Variants in KCNH7 observed in about 807,000 individuals in gnomAD.
The protein encoded by KCNH7 is voltage-gated inwardly rectifying potassium channel KCNH7.
Under a neutral mutation model 120.8 loss-of-function variants are expected in KCNH7, and 49 were observed. The ratio of observed to expected loss-of-function variants is 0.41; its 90% confidence interval spans 0.32 to 0.51. The LOEUF is 0.51. KCNH7 is among the 20% of genes least tolerant of loss of function. The pLI, the probability that KCNH7 is intolerant of heterozygous loss-of-function variation, is 0.38. For synonymous variants in KCNH7, 547 were observed against 516.1 expected (o/e 1.06, Z -0.81); for missense variants, 1,097 against 1,446.6 (o/e 0.76, Z 3.92).
intron 2 of KCNH7, among the ~76,000 whole-genome samples, chr2:162,717,828 A>G (rs1687180223): frequency 6.6e-6 from 1 of 152,128 alleles, no homozygotes; most frequent in Non-Finnish European, 1.5e-5. Context: ...ATTCAGTATT[A>G]CTTGAAAAGT....
chr2:162,430,983 T>C (rs1688046156), intron 8 of KCNH7, among the ~76,000 whole-genome samples: 1 of 152,034 alleles, frequency 6.6e-6, no homozygotes, highest in Non-Finnish European at 1.5e-5. Flanking sequence ...ACAGTCTTCC[T>C]TTTTTATTTT....
chr2:162,572,982 G>A (rs1044388652), intron 2 of KCNH7, among the ~76,000 whole-genome samples: 3 of 152,088 alleles, frequency 2.0e-5, no homozygotes, highest in South Asian at 4.1e-4. Context: ...CACCAGCATG[G>A]CACATGTATA....
intron 13 of KCNH7, among the ~76,000 whole-genome samples, chr2:162,382,821 T>A (rs1209650994): frequency 6.6e-6 from 1 of 151,972 alleles, no homozygotes; most frequent in Non-Finnish European, 1.5e-5. Flanking sequence ...GTTTTAGAAT[T>A]CCCCATTGGT....
chr2:162,814,613 C>T (rs1405414570), intron 2 of KCNH7, among the ~76,000 whole-genome samples: 1 of 152,142 alleles, frequency 6.6e-6, no homozygotes, highest in Non-Finnish European at 1.5e-5. Flanking sequence ...GTTACAGAGA[C>T]TATTAGGGTG....
chr2:162,628,186 A>G (rs1683625968), intron 2 of KCNH7, among the ~76,000 whole-genome samples: 1 of 152,164 alleles, frequency 6.6e-6, no homozygotes, highest in Non-Finnish European at 1.5e-5. Flanking sequence ...CTGGAGAAAG[A>G]TAATTCTTCT....
chr2:162,719,310 G>C (rs1687242598), intron 2 of KCNH7, among the ~76,000 whole-genome samples: 1 of 151,894 alleles, frequency 6.6e-6, no homozygotes, highest in Non-Finnish European at 1.5e-5. Context: ...AAAAAACATG[G>C]AATACCAGCA....
chr2:162,637,649 A>G (rs905490903), intron 2 of KCNH7, among the ~76,000 whole-genome samples: 2 of 152,042 alleles, frequency 1.3e-5, no homozygotes, highest in African/African-American at 4.8e-5. Flanking sequence ...AATTAGCTTG[A>G]TTTAGTCATT....
At chr2:162,372,130 T>A in intron 15 of KCNH7, 35 bp from the exon 16 acceptor site, 1 of 1,524,144 alleles carries the variant, frequency 6.6e-7, no homozygotes, top group Non-Finnish European at 9.0e-7. Flanking sequence ...TTTTTATAAT[T>A]CACATTGATA....
chr2:162,591,946 T>C (rs1031733668), intron 2 of KCNH7, among the ~76,000 whole-genome samples: 5 of 152,112 alleles, frequency 3.3e-5, no homozygotes, highest in African/African-American at 1.2e-4. Context: ...TTAGTAACTT[T>C]CTGAGAAAAA....
intron 2 of KCNH7, among the ~76,000 whole-genome samples, chr2:162,821,920 C>G (rs1685132949): frequency 1.3e-5 from 2 of 151,752 alleles, no homozygotes; most frequent in South Asian, 4.2e-4. Context: ...TTCTGAAACA[C>G]CATACTGAAA....
chr2:162,402,860 G>T (rs1687104915), intron 9 of KCNH7, among the ~76,000 whole-genome samples: 1 of 151,790 alleles, frequency 6.6e-6, no homozygotes, highest in Admixed American at 6.6e-5. Context: ...CATGCTTTGA[G>T]TTGGAAGAGA....
intron 2 of KCNH7, among the ~76,000 whole-genome samples, chr2:162,716,709 T>C (rs1169092201): frequency 6.6e-6 from 1 of 152,164 alleles, no homozygotes; most frequent in East Asian, 1.9e-4. Flanking sequence ...TTTTATGCTA[T>C]AAGTTTATGT....
intron 2 of KCNH7, among the ~76,000 whole-genome samples, chr2:162,638,924 T>A (rs1335872385): frequency 6.6e-6 from 1 of 152,150 alleles, no homozygotes; most frequent in Admixed American, 6.6e-5. Flanking sequence ...TCCATATAAA[T>A]CAGGTTTGCC....
chr2:162,613,953 GT>G (rs201679969), intron 2 of KCNH7, among the ~76,000 whole-genome samples: 6,666 of 143,108 alleles, frequency 0.047, 208 homozygotes, highest in East Asian at 0.19. Flanking sequence ...CAAAGAGAAA[GT>G]TTTTTTTTTT....
At chr2:162,781,446 G>A (rs1374724369) in intron 2 of KCNH7, among the ~76,000 whole-genome samples, 1 of 151,812 alleles carries the variant, frequency 6.6e-6, no homozygotes, top group Non-Finnish European at 1.5e-5. Context: ...AAATCCCTAT[G>A]TTTATTGGCT....
chr2:162,817,829 C>A (rs1684967814), intron 2 of KCNH7, among the ~76,000 whole-genome samples: 1 of 151,968 alleles, frequency 6.6e-6, no homozygotes, highest in African/African-American at 2.4e-5. Context: ...GTGTATCTTT[C>A]CTTGGTGGAG....
intron 2 of KCNH7, among the ~76,000 whole-genome samples, chr2:162,543,219 T>C (rs1692371028): frequency 6.6e-6 from 1 of 152,118 alleles, no homozygotes; most frequent in Admixed American, 6.6e-5. Context: ...GTTGGCAGTG[T>C]ATCTGATAAT....
chr2:162,810,576 C>G (rs1370549697), intron 2 of KCNH7, among the ~76,000 whole-genome samples: 2 of 152,162 alleles, frequency 1.3e-5, no homozygotes, highest in Admixed American at 1.3e-4. Context: ...TCTCACCTAT[C>G]TTTAGCCTTT....
intron 3 of KCNH7, among the ~76,000 whole-genome samples, chr2:162,523,771 A>G (rs1229806370): frequency 2.0e-5 from 3 of 151,938 alleles, no homozygotes; most frequent in Non-Finnish European, 4.4e-5. Flanking sequence ...ATACAACTGC[A>G]AATTTCCAAT....
Sources: gnomAD v4.1 joint callset for allele counts (sites outside exome capture counted in the v4.1 genomes callset) on GRCh38, gnomAD v4.1.1 for gene constraint, MANE v1.5 for transcripts, NCBI Gene and HGNC (gene_info 2026-07-23, HGNC 2026-07-21) for gene names.